TMC7: variants seen among roughly 807,000 people sequenced by gnomAD.
TMC7 encodes the protein transmembrane channel like 7.
In TMC7, 54 loss-of-function variants were observed where a neutral mutation model predicts 82.9. The ratio of observed to expected loss-of-function variants is 0.65; its 90% CI spans 0.52 to 0.82. The LOEUF (loss-of-function observed/expected upper bound fraction) is 0.82. TMC7 is among the 40% of genes least tolerant of loss of function. TMC7 has a pLI of 0.00. For synonymous variants in TMC7, 350 were observed against 337.9 expected (o/e 1.04, Z -0.39); for missense variants, 820 against 901.2 (o/e 0.91, Z 1.15).
chr16:19,043,093 A>T (rs1361340368), intron 9 of TMC7, among the ~76,000 whole-genome samples: 1 of 138,850 alleles, frequency 7.2e-6, no homozygotes, highest in African/African-American at 2.9e-5. Flanking sequence ...AAATTGTCTT[A>T]AAAAAAAAAA....
chr16:18,990,788 A>G (rs2038937833), intron 1 of TMC7, among the ~76,000 whole-genome samples: 1 of 152,094 alleles, frequency 6.6e-6, no homozygotes, highest in South Asian at 2.1e-4. Flanking sequence ...ATTATAAAGA[A>G]CCTTCTTAAG....
Position 19,047,781 on chromosome 16 carries a change from C to T in TMC7, c.1740+532C>T, listed in dbSNP as rs1287941032. Among the ~76,000 whole-genome samples, 4 of 146,426 alleles carry T rather than the reference C, an allele frequency of 2.7e-5. No homozygotes were observed. The East Asian group carries it at 8.1e-4, about 30-fold the overall frequency. On this transcript the variant is annotated intron_variant, in intron 12 of 15. Coordinates refer to ENST00000304381, the MANE Select transcript of TMC7 (RefSeq NM_024847.4). ...AGGCTGGAGTGCAGTGGCACGATCT[C>T]GGCTCACTGCAACCTCTGCCCCCCC... is the stretch of plus-strand genomic sequence containing the variant.
chr16:19,062,036 C>G lies in TMC7; in HGVS notation c.*193C>G. 1 of 428,036 alleles carries G rather than the reference C, an allele frequency of 2.3e-6. No homozygotes were observed. Among genetic ancestry groups the G allele is most frequent in the Admixed American group, 4.2e-5 (1 of 23,882 alleles). The allele number at this position is 428,036 out of a possible 1,614,324, so 26.5% of individuals were successfully genotyped here. A position where few individuals can be genotyped will look rare whatever the true frequency, so the allele number is the denominator to read the frequency against. On this transcript the variant is annotated 3_prime_UTR_variant, in exon 16 of 16. Transcript: ENST00000304381. ...TTAGGGCTTCAGTGACTTAGAAAAG[C>G]AGGGGAAACCCAAGGCTTTGCCTGC...
At chr16:19,003,519 G>T (rs112370912) in intron 1 of TMC7, among the ~76,000 whole-genome samples, 19,773 of 148,400 alleles carry the variant, frequency 0.13, 961 homozygotes, top group South Asian at 0.17. Context: ...CCACCACCCC[G>T]TCTGGGAGGT....
intron 15 of TMC7, among the ~76,000 whole-genome samples, chr16:19,060,448 T>C (rs1408430626): frequency 6.6e-6 from 1 of 151,980 alleles, no homozygotes; most frequent in Non-Finnish European, 1.5e-5. Flanking sequence ...CAAGTGATTG[T>C]CCCCTCTCAG....
At chr16:19,056,505 A>C in intron 13 of TMC7, 37 bp from the exon 14 acceptor site, 4 of 1,602,776 alleles carry the variant, frequency 2.5e-6, no homozygotes, top group Non-Finnish European at 3.4e-6. Context: ...CCTGTGCTGC[A>C]CGCTCCTTCT....
intron 15 of TMC7, among the ~76,000 whole-genome samples, chr16:19,060,274 A>G (rs1221302396): frequency 1.3e-5 from 2 of 152,050 alleles, no homozygotes; most frequent in African/African-American, 4.8e-5. Context: ...GTGTGGTCAT[A>G]GCTCACAGCA....
At chr16:19,034,161 C>A (rs1203599498) in intron 6 of TMC7, among the ~76,000 whole-genome samples, 1 of 152,090 alleles carries the variant, frequency 6.6e-6, no homozygotes, top group African/African-American at 2.4e-5. Flanking sequence ...GCATGTTAAC[C>A]AAAGTATATA....
chr16:19,038,346 C>T (rs1196302551), intron 8 of TMC7, among the ~76,000 whole-genome samples: 1 of 151,966 alleles, frequency 6.6e-6, no homozygotes. Flanking sequence ...CAGGCATGTG[C>T]CACCACGCCT....
chr16:19,033,451 G>A (rs535856154), intron 6 of TMC7: 1 of 152,332 alleles, frequency 6.6e-6, no homozygotes, highest in East Asian at 1.9e-4. Flanking sequence ...TGAGTACAAG[G>A]TGGGTGGATC....
At chr16:19,030,390 C>T in intron 6 of TMC7, 21 bp downstream of exon 6, 10 of 1,599,588 alleles carry the variant, frequency 6.3e-6, no homozygotes, top group Non-Finnish European at 8.5e-6. Flanking sequence ...CCTTTGCATT[C>T]TCTCTGAATT....
intron 2 of TMC7, 33 bp from the exon 3 acceptor site, chr16:19,016,417 G>A: frequency 6.2e-7 from 1 of 1,613,058 alleles, no homozygotes; most frequent in Non-Finnish European, 8.5e-7. Flanking sequence ...TGCTGCTGTT[G>A]TTGTCATTGT....
chr16:18,989,923 G>GC (rs1364715280), intron 1 of TMC7, among the ~76,000 whole-genome samples: 1 of 152,074 alleles, frequency 6.6e-6, no homozygotes, highest in Non-Finnish European at 1.5e-5. Context: ...CACCAAACAG[G>GC]CTTTGTGTGA....
At chr16:19,056,828 A>AG in intron 14 of TMC7, 131 bp downstream of exon 14, 5 of 1,093,728 alleles carry the variant, frequency 4.6e-6, no homozygotes, top group Non-Finnish European at 6.5e-6. Context: ...TCCCATCTCT[A>AG]AAATGGGCAT....
chr16:19,039,092 C>CTTTTTTTT (rs376747652), intron 8 of TMC7, among the ~76,000 whole-genome samples: 7 of 130,450 alleles, frequency 5.4e-5, no homozygotes, highest in African/African-American at 8.6e-5. Flanking sequence ...TTTCTTTTTT[C>CTTTTTTTT]TTTTTTTTTT....
In TMC7 at chr16:19,056,554, G is replaced by A. The variant is rs757738500; in HGVS notation, c.1884G>A (p.Ser628=). Residue 628 remains serine (S), a synonymous_variant, in exon 14 of 16, where the codon TCG becomes TCA. Coordinates refer to ENST00000304381, the MANE Select transcript of TMC7 (RefSeq NM_024847.4). ...TGTGTCCTGGCAGCATCCCTTCCTC[G>A]AAAGCCTGTGGGCCGTTCACCAACT... The part of the protein sequence containing the change: ...LTISISRIPS[S]KACGPFTNFN... The A allele has an allele frequency of 8.1e-6, 13 of 1,613,586 alleles. No homozygotes were observed. The highest frequency in any genetic ancestry group is 1.7e-4 in the Middle Eastern group (1 of 6,042).
intron 1 of TMC7, among the ~76,000 whole-genome samples, chr16:18,990,194 T>C (rs2038925848): frequency 6.6e-6 from 1 of 151,976 alleles, no homozygotes; most frequent in Non-Finnish European, 1.5e-5. Flanking sequence ...ATTGATCAGT[T>C]AGGATGGGGC....
At chr16:19,001,217 A>G (rs1330151533) in intron 1 of TMC7, among the ~76,000 whole-genome samples, 1 of 152,094 alleles carries the variant, frequency 6.6e-6, no homozygotes, top group East Asian at 1.9e-4. Context: ...CATCAAATTC[A>G]TTCATTCCTG....
intron 8 of TMC7, among the ~76,000 whole-genome samples, chr16:19,038,464 GGATTACAGGTGT>G (rs1242096485): frequency 6.6e-6 from 1 of 152,002 alleles, no homozygotes; most frequent in Non-Finnish European, 1.5e-5. Flanking sequence ...CAAAGTGCTG[GGATTACAGGTGT>G]GAGCCATTGT....
Sources: allele counts gnomAD v4.1 joint callset (sites outside exome capture counted in the v4.1 genomes callset), GRCh38; gene constraint gnomAD v4.1.1; transcripts MANE v1.5; gene names NCBI Gene and HGNC (gene_info 2026-07-23, HGNC 2026-07-21).